Variants in DNHD1 observed in about 807,000 individuals in gnomAD.
DNHD1 encodes the protein dynein heavy chain domain 1.
DNHD1 carries 383 observed loss-of-function variants against 458.1 expected under a neutral mutation model. That is an observed-to-expected ratio of 0.84 (90% CI 0.77 to 0.91). DNHD1 has a LOEUF of 0.91. Ranked by LOEUF, DNHD1 falls within the 40% of genes least tolerant of loss-of-function variation. The pLI, the probability that DNHD1 is intolerant of heterozygous loss-of-function variation, is 0.00. For missense variants in DNHD1, 5,336 were observed against 5,866.1 expected, an observed-to-expected ratio of 0.91 and a Z score of 2.95; for synonymous variants, 2,203 against 2,376.9, an observed-to-expected ratio of 0.93 and a Z score of 2.13.
intron 10 of DNHD1, chr11:6,520,784 A>G (rs963034491): frequency 6.0e-6 from 6 of 993,388 alleles, no homozygotes; most frequent in African/African-American, 1.7e-5. Flanking sequence ...CTTATTAACC[A>G]TCAGCGTGGA....
At position 6,544,674 on chromosome 11, in the gene DNHD1, A is replaced by G. The variant is rs1210957151; in HGVS notation, c.3852+3A>G. The G allele has an allele frequency of 6.4e-7, 1 of 1,550,940 alleles. No individual in the cohort carries two copies. The highest frequency in any genetic ancestry group is 8.7e-7 in the Non-Finnish European group (1 of 1,146,598). ...TCCAGTTTCCTAATGCTGACCTGGTAGGGAAGGGGGTTGAGGCAGAGAGGG... is the reference window on the plus strand; with the variant it reads ...TCCAGTTTCCTAATGCTGACCTGGTGGGGAAGGGGGTTGAGGCAGAGAGGG... On this transcript the variant is annotated splice_donor_region_variant and intron_variant, in intron 20 of 42. Coordinates refer to ENST00000254579, the MANE Select transcript of DNHD1 (RefSeq NM_144666.3).
intron 7 of DNHD1, among the ~76,000 whole-genome samples, chr11:6,519,174 A>G (rs1589871736): frequency 6.6e-6 from 1 of 152,162 alleles, no homozygotes; most frequent in Non-Finnish European, 1.5e-5. Flanking sequence ...ACATAAACCA[A>G]TATCATTCTA....
chr11:6,543,914 G>A (rs932693003), intron 18 of DNHD1, among the ~76,000 whole-genome samples: 8 of 130,166 alleles, frequency 6.1e-5, no homozygotes, highest in Middle Eastern at 5.6e-3. Flanking sequence ...AGCTGAGATC[G>A]TGCCATTGCA....
intron 10 of DNHD1, among the ~76,000 whole-genome samples, chr11:6,524,590 TG>T (rs1446213037): frequency 6.6e-6 from 1 of 152,248 alleles, no homozygotes; most frequent in African/African-American, 2.4e-5. Flanking sequence ...CAGCTTCTCC[TG>T]TAGATTGCAT....
Position 6,557,722 on chromosome 11 carries a change from A to G in DNHD1, c.8427A>G (p.Leu2809=), listed in dbSNP as rs762077218. Reference sequence around the variant, plus strand: ...CACCCTTGTTGTTACCAGTGTTACTACTACATCCCCAGGAAAAGCCCTCAG... The same window carrying G: ...CACCCTTGTTGTTACCAGTGTTACTGCTACATCCCCAGGAAAAGCCCTCAG... ...LISPLLLPVL[L]LHPQEKPSDL... The change falls in exon 25 of 43, where the codon CTA becomes CTG. Residue 2809 remains leucine (L), a synonymous_variant. Coordinates refer to ENST00000254579, the MANE Select transcript of DNHD1 (RefSeq NM_144666.3). The G allele has an allele frequency of 1.3e-6, 2 of 1,551,640 alleles. No homozygotes were observed. The highest frequency in any genetic ancestry group is 2.4e-5 in the South Asian group (2 of 84,072).
chr11:6,558,384 G>A lies in DNHD1; in HGVS notation c.9002+87G>A, dbSNP rs1589892591. On this transcript the variant is annotated intron_variant, in intron 25 of 42. Transcript: ENST00000254579. ...CAAAAGGAATTCTGTGGGCTGCCAT[G>A]AGGGCTGAGAAGATTGGGGCTAAGT... is the stretch of plus-strand genomic sequence containing the variant. 3 of 1,533,458 alleles carry A rather than the reference G, an allele frequency of 2.0e-6. No homozygotes were observed. The East Asian group carries it at 7.4e-5, about 38-fold the overall frequency. The allele number at this position is 1,533,458 out of a possible 1,614,324, so 95.0% of individuals were successfully genotyped here. A position where few individuals can be genotyped will look rare whatever the true frequency, so the allele number is the denominator to read the frequency against.
chr11:6,563,849 G>T lies in DNHD1; in HGVS notation c.10009G>T (p.Gly3337Trp). The T allele has an allele frequency of 1.3e-6, 2 of 1,551,698 alleles. No homozygotes were observed. Among genetic ancestry groups the T allele is most frequent in the Non-Finnish European group, 8.7e-7 (1 of 1,146,998 alleles). The change falls in exon 31 of 43, where the codon GGG becomes TGG. Residue 3337 changes from glycine (G) to tryptophan (W), a missense_variant. Transcript: ENST00000254579. ...AAWLWAVLHY[G>W]LAHCRGLPTD... ...CTGGCTCTGGGCTGTTCTGCACTAT[G>T]GGCTGGCGCATTGCCGGGGACTGCC...
rs1453186453 is a variant in DNHD1 at position 6,551,904 on chromosome 11, T to G, written c.7387+2971T>G. Among the ~76,000 whole-genome samples, 3 of 133,156 alleles carry G rather than the reference T, an allele frequency of 2.3e-5. No homozygotes were observed. In the East Asian group the frequency reaches 6.2e-4, roughly 27 times the overall value. The allele number at this position is 133,156 out of a possible 152,430, so 87.4% of individuals were successfully genotyped here. A position where few individuals can be genotyped will look rare whatever the true frequency, so the allele number is the denominator to read the frequency against. On this transcript the variant is annotated intron_variant, in intron 24 of 42. Transcript: ENST00000254579. Reference sequence around the variant, plus strand: ...TGCGGTGAGCTGAGATTTGCACCACTGCACTCCAGCCTGGTGACAGAGCGA... The same window carrying G: ...TGCGGTGAGCTGAGATTTGCACCACGGCACTCCAGCCTGGTGACAGAGCGA...
At chr11:6,520,133 GGGAATTCCC>G in intron 9 of DNHD1, 31 bp downstream of exon 9, 1 of 1,614,032 alleles carries the variant, frequency 6.2e-7, no homozygotes, top group Non-Finnish European at 8.5e-7. Flanking sequence ...AGCTGGCTGT[GGGAATTCCC>G]AGTTCCTATC....
intron 28 of DNHD1, among the ~76,000 whole-genome samples, chr11:6,562,289 GAT>G (rs1023486521): frequency 2.0e-4 from 30 of 152,326 alleles, no homozygotes; most frequent in African/African-American, 7.2e-4. Flanking sequence ...AGAGGAGTCA[GAT>G]TGCAGGAGAG....
chr11:6,564,347 C>T lies in DNHD1; in HGVS notation c.10299C>T (p.Arg3433=). ...WTTQLQKLKG[R]CMTVFGDTLL... ...TTCCACTCCAGAAGCTGAAGGGACG[C>T]TGCATGACTGTGTTTGGAGATACCC... The change falls in exon 32 of 43, where the codon CGC becomes CGT. Residue 3433 remains arginine, a synonymous_variant. Transcript: ENST00000254579. The T allele has an allele frequency of 1.3e-6, 2 of 1,541,346 alleles. No individual in the cohort carries two copies. Among genetic ancestry groups the T allele is most frequent in the Non-Finnish European group, 1.8e-6 (2 of 1,139,818 alleles).
At chr11:6,570,506 T>A in intron 41 of DNHD1, 110 bp downstream of exon 41, 1 of 1,480,476 alleles carries the variant, frequency 6.8e-7, no homozygotes, top group South Asian at 1.4e-5. Flanking sequence ...GGGGGTAATA[T>A]TCATACTGTT....
In DNHD1 at chr11:6,566,325, C is replaced by T. The variant is rs920281796; in HGVS notation, c.11138C>T (p.Pro3713Leu). 30 of 1,552,818 alleles carry T rather than the reference C, an allele frequency of 1.9e-5. No individual in the cohort carries two copies. Among genetic ancestry groups the T allele is most frequent in the East Asian group, 1.2e-4 (5 of 40,984 alleles). Residue 3713 changes from proline (P) to leucine (L), a missense_variant, in exon 34 of 43, where the codon CCA (proline) becomes CTA (leucine). Pro to Leu is a moderately conservative substitution (Grantham distance 98, BLOSUM62 -3). Around this residue, in one of 4 missense-constraint regions of DNHD1, gnomAD observed 695 missense variants for 804.2 expected, o/e 0.86. Transcript: ENST00000254579. The part of the protein sequence containing the change: ...QWLLQREQLS[P>L]PQVQPGFCLY... ...CTGCTGCAACGGGAGCAGCTGAGTC[C>T]ACCCCAGGTGCAGCCTGGCTTCTGT... is the stretch of plus-strand genomic sequence containing the variant.
At chr11:6,543,070 GGGGAAGAGTAA>G (rs1372125270) in intron 18 of DNHD1, among the ~76,000 whole-genome samples, 1 of 152,192 alleles carries the variant, frequency 6.6e-6, no homozygotes, top group Admixed American at 6.5e-5. Flanking sequence ...CTCCTCACAT[GGGGAAGAGTAA>G]GGGAAGAAGA....
chr11:6,543,126 GT>G (rs1323646801), intron 18 of DNHD1, among the ~76,000 whole-genome samples: 1 of 152,212 alleles, frequency 6.6e-6, no homozygotes, highest in Non-Finnish European at 1.5e-5. Flanking sequence ...GTCCAGTGCT[GT>G]TTTCTCTAGA....
Position 6,545,455 on chromosome 11 carries a change from T to A in DNHD1, c.4516T>A (p.Phe1506Ile). The A allele has an allele frequency of 6.4e-7, 1 of 1,551,874 alleles. No individual in the cohort carries two copies. Among genetic ancestry groups the A allele is most frequent in the Non-Finnish European group, 8.7e-7 (1 of 1,147,030 alleles). Reference protein sequence around the residue: ...VQHWIDLVQAFPWQCVLVAEE... With the variant: ...VQHWIDLVQAIPWQCVLVAEE... Reference sequence around the variant, plus strand: ...GCACTGGATCGACTTAGTCCAGGCCTTCCCATGGCAGTGTGTGCTGGTGGC... The same window carrying A: ...GCACTGGATCGACTTAGTCCAGGCCATCCCATGGCAGTGTGTGCTGGTGGC... Residue 1506 changes from phenylalanine (F) to isoleucine (I), a missense_variant, in exon 21 of 43, where the codon TTC (phenylalanine) becomes ATC (isoleucine). This residue lies in a region of DNHD1 where 3,932 missense variants were observed against 4,365.6 expected (regional missense o/e 0.90). Coordinates refer to ENST00000254579, the MANE Select transcript of DNHD1 (RefSeq NM_144666.3). The surrounding 1 kb of genome is among the most constrained non-coding windows in gnomAD (Gnocchi z 4.9).
Position 6,571,880 on chromosome 11 carries a change from A to G in DNHD1, c.14156A>G (p.Lys4719Arg), listed in dbSNP as rs1181991169. The G allele has an allele frequency of 6.2e-7, 1 of 1,613,934 alleles. No individual in the cohort carries two copies. Among genetic ancestry groups the G allele is most frequent in the Non-Finnish European group, 8.5e-7 (1 of 1,179,916 alleles). Residue 4719 changes from lysine (K) to arginine (R), a missense_variant, in exon 43 of 43, where the codon AAG (lysine) becomes AGG (arginine). Lys to Arg is a conservative substitution (Grantham distance 26, BLOSUM62 2). This residue lies in a region of DNHD1 where 698 missense variants were observed against 664.9 expected (regional missense o/e 1.05). Coordinates refer to ENST00000254579, the MANE Select transcript of DNHD1 (RefSeq NM_144666.3). This position sits in a 1 kb window ranked among gnomAD's most constrained non-coding sequence, Gnocchi z 5.0. ...VYMGGPLGTA[K>R]LQSRNIVMHL... is the part of the protein sequence containing the mutation. ...ATGGGAGGGCCCCTTGGCACCGCTA[A>G]GCTGCAGAGCAGGAACATCGTGATG...
intron 24 of DNHD1, among the ~76,000 whole-genome samples, chr11:6,556,133 C>G (rs910451951): frequency 6.6e-6 from 1 of 152,066 alleles, no homozygotes; most frequent in South Asian, 2.1e-4. Flanking sequence ...TCACCAGGCC[C>G]AGCTATTTTA....
Position 6,546,791 on chromosome 11 carries a change from T to C in DNHD1, c.5852T>C (p.Leu1951Pro). ...QVLAEPMTYKLMKPLVVEELQ... is the reference protein window; with the variant it reads ...QVLAEPMTYKPMKPLVVEELQ... Reference sequence around the variant, plus strand: ...CTGGCAGAACCTATGACTTACAAGCTGATGAAGCCATTGGTGGTGGAGGAA... The same window carrying C: ...CTGGCAGAACCTATGACTTACAAGCCGATGAAGCCATTGGTGGTGGAGGAA... Residue 1951 changes from leucine (L) to proline (P), a missense_variant, in exon 21 of 43, where the codon CTG (leucine) becomes CCG (proline). Leu to Pro is a moderately conservative substitution (Grantham distance 98). Around this residue, in one of 4 missense-constraint regions of DNHD1, gnomAD observed 3,932 missense variants for 4,365.6 expected, o/e 0.90. Transcript: ENST00000254579. 6.4e-7 allele frequency: 1 copy of C among 1,551,826 alleles called. No individual in the cohort carries two copies. Among genetic ancestry groups the C allele is most frequent in the African/African-American group, 1.4e-5 (1 of 73,172 alleles).
Sources: allele counts gnomAD v4.1 joint callset (sites outside exome capture counted in the v4.1 genomes callset), GRCh38; gene constraint gnomAD v4.1.1; regional missense constraint gnomAD v4.1.1; non-coding constraint Gnocchi (gnomAD v3.1); transcripts MANE v1.5; gene names NCBI Gene and HGNC (gene_info 2026-07-23, HGNC 2026-07-21).